Variants in METAP2 observed in about 807,000 individuals in gnomAD.
METAP2 encodes methionyl aminopeptidase 2, also known as methionine aminopeptidase 2.
METAP2 carries 25 observed loss-of-function variants against 59.4 expected under a neutral mutation model. That is an observed-to-expected ratio of 0.42 (90% CI 0.31 to 0.59). The LOEUF (loss-of-function observed/expected upper bound fraction) is 0.59. Ranked by LOEUF, METAP2 falls within the 20% of genes least tolerant of loss-of-function variation. The probability of loss-of-function intolerance (pLI) is 0.16; values close to 1 mark genes in which losing one functional copy is unlikely to be tolerated. For synonymous variants in METAP2, 214 were observed against 194.1 expected (o/e 1.10, Z -0.85); for missense variants, 366 against 581.2 (o/e 0.63, Z 3.81).
intron 9 of METAP2, 112 bp from the exon 10 acceptor site, chr12:95,512,689 C>T (rs768810685): frequency 2.1e-5 from 13 of 632,808 alleles, no homozygotes; most frequent in Non-Finnish European, 3.5e-5. Context: ...TCCAGCCTGG[C>T]AGCAGAGAGA....
intron 7 of METAP2, 88 bp from the exon 8 acceptor site, chr12:95,503,977 T>A (rs2076336382): frequency 1.1e-6 from 1 of 924,150 alleles, no homozygotes; most frequent in East Asian, 2.5e-5. Flanking sequence ...GTTTTTCTGA[T>A]TGTCCCTTGT....
At chr12:95,509,325 T>C (rs1237206021) in intron 8 of METAP2, among the ~76,000 whole-genome samples, 1 of 152,126 alleles carries the variant, frequency 6.6e-6, no homozygotes, top group Non-Finnish European at 1.5e-5. Context: ...GAAAATGATG[T>C]TTGGGAATAG....
chr12:95,501,007 ATT>A (rs540202398), intron 7 of METAP2, among the ~76,000 whole-genome samples: 21,388 of 102,686 alleles, frequency 0.21, 1,363 homozygotes, highest in East Asian at 0.39. Flanking sequence ...CTTTGTTGGG[ATT>A]TTTTTTTTTT....
intron 4 of METAP2, among the ~76,000 whole-genome samples, chr12:95,490,670 C>A (rs983424512): frequency 1.3e-5 from 2 of 149,180 alleles, no homozygotes; most frequent in African/African-American, 5.0e-5. Flanking sequence ...TCCCAAGTAG[C>A]TTTGAAACTA....
intron 8 of METAP2, among the ~76,000 whole-genome samples, chr12:95,511,315 C>T (rs1356834758): frequency 6.7e-6 from 1 of 149,302 alleles, no homozygotes; most frequent in African/African-American, 2.5e-5. Flanking sequence ...ACAGTACCTC[C>T]TTATACCTCC....
chr12:95,507,386 A>G (rs2076369354), intron 8 of METAP2, among the ~76,000 whole-genome samples: 1 of 152,234 alleles, frequency 6.6e-6, no homozygotes, highest in Non-Finnish European at 1.5e-5. Flanking sequence ...CCAGGAAATT[A>G]CTTACCTGAT....
chr12:95,497,694 A>C (rs2076285327), intron 7 of METAP2, among the ~76,000 whole-genome samples: 2 of 152,212 alleles, frequency 1.3e-5, no homozygotes, highest in Non-Finnish European at 2.9e-5. Context: ...TCCCACCAAC[A>C]GTATGCAAGG....
chr12:95,478,045 T>C (rs2076133279), intron 2 of METAP2, among the ~76,000 whole-genome samples: 1 of 152,296 alleles, frequency 6.6e-6, no homozygotes, highest in South Asian at 2.1e-4. Context: ...TGGCTGGGTG[T>C]GGTGGCTTAT....
chr12:95,480,541 A>G (rs2076151133), intron 2 of METAP2, among the ~76,000 whole-genome samples: 1 of 152,154 alleles, frequency 6.6e-6, no homozygotes, highest in Admixed American at 6.5e-5. Flanking sequence ...TATTTGTTTT[A>G]AAATTTTAGT....
Position 95,512,850 on chromosome 12 carries a change from T to G in METAP2, c.1118T>G (p.Val373Gly). Reference sequence around the variant, plus strand: ...ACCTTTGGTAGTACAGGAAAAGGTGTTGTTCATGATGATATGGAATGTTCA... The same window carrying G: ...ACCTTTGGTAGTACAGGAAAAGGTGGTGTTCATGATGATATGGAATGTTCA... The part of the protein sequence containing the change: ...IETFGSTGKG[V>G]VHDDMECSHY... The change falls in exon 10 of 11, where the codon GTT (valine) becomes GGT (glycine). Residue 373 changes from valine to glycine, a missense_variant. Around this residue, in one of 4 missense-constraint regions of METAP2, gnomAD observed 82 missense variants for 156.2 expected, o/e 0.52. Transcript: ENST00000323666. 1.2e-6 allele frequency: 2 copies of G among 1,613,336 alleles called. No individual in the cohort carries two copies. The highest frequency in any genetic ancestry group is 1.7e-6 in the Non-Finnish European group (2 of 1,179,446).
At chr12:95,478,853 T>C (rs2140137932) in intron 2 of METAP2, among the ~76,000 whole-genome samples, 1 of 152,210 alleles carries the variant, frequency 6.6e-6, no homozygotes, top group African/African-American at 2.4e-5. Context: ...ATTTGAAGCA[T>C]TGTGGTAATA....
At position 95,513,925 on chromosome 12, in the gene METAP2, A is replaced by ACC. The variant is rs769007859; in HGVS notation, c.*21_*22insCC. The ACC allele has an allele frequency of 6.9e-6, 11 of 1,591,420 alleles. No homozygotes were observed. The Admixed American group carries it at 7.1e-5, about 10-fold the overall frequency. On this transcript the variant is annotated 3_prime_UTR_variant, in exon 11 of 11. Transcript: ENST00000323666. ...ATTAAACTTAGTCCAAAGCCACCTC[A>ACC]ACACCTTTATTTTCTGAGCTTTGTT...
At chr12:95,503,956 T>G (rs2076336194) in intron 7 of METAP2, 109 bp from the exon 8 acceptor site, 1 of 723,962 alleles carries the variant, frequency 1.4e-6, no homozygotes, top group Non-Finnish European at 2.4e-6. Flanking sequence ...GAAGTTACAA[T>G]GTACAAAGCA....
At chr12:95,488,511 C>CAAAAAAAAAAAAAAAA (rs537119415) in intron 4 of METAP2, among the ~76,000 whole-genome samples, 1 of 76,578 alleles carries the variant, frequency 1.3e-5, no homozygotes, top group Admixed American at 1.2e-4. Context: ...TTTGTCTCAC[C>CAAAAAAAAAAAAAAAA]AAAAAAAAAA....
chr12:95,507,223 GTTTAT>G (rs2076368080), intron 8 of METAP2, among the ~76,000 whole-genome samples: 1 of 152,208 alleles, frequency 6.6e-6, no homozygotes, highest in Non-Finnish European at 1.5e-5. Context: ...ATGGTATCTA[GTTTAT>G]TTTGAGAAAT....
Position 95,474,267 on chromosome 12 carries a change from A to G in METAP2, c.88A>G (p.Thr30Ala). 6.2e-7 allele frequency: 1 copy of G among 1,614,222 alleles called. No individual in the cohort carries two copies. The highest frequency in any genetic ancestry group is 8.5e-7 in the Non-Finnish European group (1 of 1,180,032). Residue 30 changes from threonine (T) to alanine (A), a missense_variant, in exon 1 of 11, where the codon ACG (threonine) becomes GCG (alanine). By Grantham distance (58) the Thr-to-Ala change is moderately conservative. Transcript: ENST00000323666. ...PDDREEGAAS[T>A]AEEAAKKKRR... The stretch of plus-strand genomic sequence containing the variant: ...CGACAGGGAAGAAGGAGCTGCCTCT[A>G]CGGCTGAGGAAGCAGCCAAGAAAAA...
intron 2 of METAP2, among the ~76,000 whole-genome samples, chr12:95,481,004 T>C (rs959091232): frequency 1.3e-5 from 2 of 152,240 alleles, no homozygotes; most frequent in African/African-American, 4.8e-5. Flanking sequence ...CTATGGTTCA[T>C]TTAGAATTAA....
At chr12:95,509,155 G>C (rs1464791782) in intron 8 of METAP2, among the ~76,000 whole-genome samples, 2 of 152,132 alleles carry the variant, frequency 1.3e-5, no homozygotes, top group Non-Finnish European at 2.9e-5. Context: ...GAATTCCCCT[G>C]TACCCTCATT....
In METAP2 at chr12:95,514,019, T is replaced by C. The variant is rs2076425308; in HGVS notation, c.*115T>C. On this transcript the variant is annotated 3_prime_UTR_variant, in exon 11 of 11. Transcript: ENST00000323666. ...TTAACAGTGGACCCATGTAATACTT[T>C]TATCCATGTTTAAAAAAGAAGGAAT... The C allele has an allele frequency of 7.6e-6, 9 of 1,179,702 alleles. No homozygotes were observed. Among genetic ancestry groups the C allele is most frequent in the Non-Finnish European group, 1.0e-5 (9 of 867,580 alleles). The allele number at this position is 1,179,702 out of a possible 1,614,324, so 73.1% of individuals were successfully genotyped here.
Sources: allele counts gnomAD v4.1 joint callset (sites outside exome capture counted in the v4.1 genomes callset), GRCh38; gene constraint gnomAD v4.1.1; regional missense constraint gnomAD v4.1.1; transcripts MANE v1.5; gene names NCBI Gene and HGNC (gene_info 2026-07-23, HGNC 2026-07-21).